ITFG1: variants seen among roughly 807,000 people sequenced by gnomAD.
ITFG1 encodes integrin alpha FG-GAP repeat containing 1, also known as T-cell immunomodulatory protein.
Under a neutral mutation model 81.8 loss-of-function variants are expected in ITFG1, and 34 were observed. That is an observed-to-expected ratio of 0.42 (90% CI 0.32 to 0.55). The LOEUF is 0.55. Among genes scored for constraint, ITFG1 ranks in the 20% least tolerant of loss-of-function variants. The pLI is 0.17. For missense variants in ITFG1, 672 were observed against 755.4 expected (o/e 0.89, Z 1.29); for synonymous variants, 285 against 270.6 (o/e 1.05, Z -0.52).
chr16:47,253,832 C>T (rs2151539811), intron 12 of ITFG1, among the ~76,000 whole-genome samples: 1 of 152,268 alleles, frequency 6.6e-6, no homozygotes, highest in Middle Eastern at 3.4e-3. Flanking sequence ...TCCGGCCGTT[C>T]ACCTCCTGTC....
At chr16:47,424,345 G>T (rs1968991523) in intron 6 of ITFG1, among the ~76,000 whole-genome samples, 1 of 152,052 alleles carries the variant, frequency 6.6e-6, no homozygotes, top group Non-Finnish European at 1.5e-5. Flanking sequence ...CTTTTTTCAA[G>T]GTTTTTAGCT....
At chr16:47,216,337 G>T (rs1965624655) in intron 14 of ITFG1, among the ~76,000 whole-genome samples, 1 of 152,106 alleles carries the variant, frequency 6.6e-6, no homozygotes, top group Non-Finnish European at 1.5e-5. Context: ...GGGACTACAG[G>T]CATGTGCCAC....
chr16:47,270,965 T>A (rs1373095544), intron 10 of ITFG1, among the ~76,000 whole-genome samples: 1 of 152,206 alleles, frequency 6.6e-6, no homozygotes, highest in African/African-American at 2.4e-5. Context: ...ATGTTCATTA[T>A]CTTGATTGTG....
chr16:47,230,570 G>T (rs927184665), intron 13 of ITFG1, among the ~76,000 whole-genome samples: 1 of 152,138 alleles, frequency 6.6e-6, no homozygotes, highest in African/African-American at 2.4e-5. Context: ...GCAGACAAGT[G>T]GAGGCCAGAT....
chr16:47,188,132 T>C (rs1312177030), intron 14 of ITFG1, among the ~76,000 whole-genome samples: 2 of 149,896 alleles, frequency 1.3e-5, no homozygotes, highest in Non-Finnish European at 3.0e-5. Flanking sequence ...GGAGAGGATG[T>C]GGAGAAATAG....
chr16:47,324,973 C>A (rs1325247831), intron 8 of ITFG1, among the ~76,000 whole-genome samples: 3 of 152,114 alleles, frequency 2.0e-5, no homozygotes, highest in Non-Finnish European at 4.4e-5. Flanking sequence ...CAGCTCTGCA[C>A]CAAGCGGACC....
intron 16 of ITFG1, 64 bp downstream of exon 16, chr16:47,161,686 T>A: frequency 9.8e-7 from 1 of 1,019,164 alleles, no homozygotes; most frequent in East Asian, 2.4e-5. Flanking sequence ...TTAAAAGACA[T>A]CACTGTATGT....
At chr16:47,199,957 T>C (rs922260388) in intron 14 of ITFG1, among the ~76,000 whole-genome samples, 1 of 152,132 alleles carries the variant, frequency 6.6e-6, no homozygotes, top group Admixed American at 6.5e-5. Context: ...TATCAGAATC[T>C]TATGCCGCCA....
At chr16:47,336,856 G>A (rs537635477) in intron 8 of ITFG1, among the ~76,000 whole-genome samples, 3 of 151,912 alleles carry the variant, frequency 2.0e-5, no homozygotes, top group Non-Finnish European at 4.4e-5. Flanking sequence ...CCAGCTACTC[G>A]GGAGGCTGAG....
chr16:47,412,153 G>C (rs879354529), intron 6 of ITFG1, among the ~76,000 whole-genome samples: 1 of 152,098 alleles, frequency 6.6e-6, no homozygotes, highest in Non-Finnish European at 1.5e-5. Flanking sequence ...AGGAATACCA[G>C]CCCTCTCAGA....
At chr16:47,440,833 G>C (rs373960515) in intron 5 of ITFG1, among the ~76,000 whole-genome samples, 9 of 152,096 alleles carry the variant, frequency 5.9e-5, no homozygotes, top group African/African-American at 1.7e-4. Flanking sequence ...AAATAACTAA[G>C]ATCAGAGCAG....
At chr16:47,173,350 C>T (rs1418114192) in intron 14 of ITFG1, among the ~76,000 whole-genome samples, 1 of 152,118 alleles carries the variant, frequency 6.6e-6, no homozygotes, top group Non-Finnish European at 1.5e-5. Flanking sequence ...AGATTTGAGT[C>T]TGTTTTATTC....
At chr16:47,166,219 T>C (rs1964888143) in intron 14 of ITFG1, among the ~76,000 whole-genome samples, 1 of 152,218 alleles carries the variant, frequency 6.6e-6, no homozygotes, top group Non-Finnish European at 1.5e-5. Flanking sequence ...CACAACCCCT[T>C]ATGTTAAAAG....
chr16:47,228,259 T>C (rs1567429493), intron 13 of ITFG1, among the ~76,000 whole-genome samples: 1 of 152,128 alleles, frequency 6.6e-6, no homozygotes, highest in Non-Finnish European at 1.5e-5. Context: ...TTATAATCAA[T>C]AAATAGTGGT....
intron 6 of ITFG1, among the ~76,000 whole-genome samples, chr16:47,421,134 T>C (rs1315044877): frequency 6.6e-6 from 1 of 152,062 alleles, no homozygotes; most frequent in East Asian, 1.9e-4. Flanking sequence ...TCTATACATG[T>C]TGTTACAGGT....
chr16:47,367,320 G>A (rs1185132278), intron 7 of ITFG1, among the ~76,000 whole-genome samples: 1 of 152,142 alleles, frequency 6.6e-6, no homozygotes, highest in Admixed American at 6.5e-5. Context: ...GGCATGATTG[G>A]TTAAACCGCT....
chr16:47,195,325 A>G (rs190132618), intron 14 of ITFG1, among the ~76,000 whole-genome samples: 1 of 152,262 alleles, frequency 6.6e-6, no homozygotes, highest in East Asian at 1.9e-4. Context: ...ATCACACAAA[A>G]CTGGTAGAAA....
chr16:47,182,910 G>A (rs984881409), intron 14 of ITFG1, among the ~76,000 whole-genome samples: 11 of 152,154 alleles, frequency 7.2e-5, no homozygotes, highest in Admixed American at 3.9e-4. Flanking sequence ...CAGTGGGTGC[G>A]CACACCGTGC....
chr16:47,349,574 C>A (rs914704515), intron 8 of ITFG1, among the ~76,000 whole-genome samples: 6 of 141,512 alleles, frequency 4.2e-5, no homozygotes, highest in Non-Finnish European at 7.9e-5. Context: ...TCCTTAGAGA[C>A]CTACACAGAG....
Sources: gnomAD v4.1 joint callset for allele counts (sites outside exome capture counted in the v4.1 genomes callset) on GRCh38, gnomAD v4.1.1 for gene constraint, MANE v1.5 for transcripts, NCBI Gene and HGNC (gene_info 2026-07-23, HGNC 2026-07-21) for gene names.